The following RALYL variants were observed in gnomAD, a reference collection of about 807,000 sequenced individuals.
The protein encoded by RALYL is RALY RNA binding protein like, also known as RNA-binding Raly-like protein.
Under a neutral mutation model 35.1 loss-of-function variants are expected in RALYL, and 29 were observed. The observed-to-expected ratio is 0.83, with a 90% CI of 0.61 to 1.13. RALYL has a LOEUF of 1.13. RALYL is among the 50% of genes most tolerant of loss of function. The pLI is 0.00. For synonymous variants in RALYL, 120 were observed against 127.6 expected (o/e 0.94, Z 0.40); for missense variants, 359 against 360.4 (o/e 1.00, Z 0.03).
chr8:84,560,813 G>A (rs1048494630), intron 2 of RALYL, among the ~76,000 whole-genome samples: 2 of 151,796 alleles, frequency 1.3e-5, no homozygotes, highest in African/African-American at 4.8e-5. Flanking sequence ...ATTATAAGAG[G>A]AGGTTTCAAG....
chr8:84,735,266 A>G (rs7831433), intron 2 of RALYL, among the ~76,000 whole-genome samples: 50,387 of 151,666 alleles, frequency 0.33, 10,038 homozygotes, highest in African/African-American at 0.56. Flanking sequence ...ACAGGACCTA[A>G]AACAGTGTCT....
At chr8:84,901,370 C>T (rs1340390996) in intron 8 of RALYL, among the ~76,000 whole-genome samples, 2 of 152,078 alleles carry the variant, frequency 1.3e-5, no homozygotes, top group African/African-American at 4.8e-5. Flanking sequence ...GACAAAAAAT[C>T]GTACCTCATG....
intron 1 of RALYL, among the ~76,000 whole-genome samples, chr8:84,514,527 G>C (rs1315909699): frequency 1.3e-5 from 2 of 152,124 alleles, no homozygotes; most frequent in Non-Finnish European, 2.9e-5. Context: ...TGAAAGTTGT[G>C]TACTCACACA....
chr8:84,838,590 A>G (rs1832516106), intron 4 of RALYL, among the ~76,000 whole-genome samples: 1 of 152,238 alleles, frequency 6.6e-6, no homozygotes, highest in African/African-American at 2.4e-5. Context: ...ACTTTGACAG[A>G]TAAAATTGAG....
intron 1 of RALYL, among the ~76,000 whole-genome samples, chr8:84,423,630 G>A (rs1223597474): frequency 6.6e-6 from 1 of 151,804 alleles, no homozygotes; most frequent in Non-Finnish European, 1.5e-5. Flanking sequence ...AGTTGATGCA[G>A]TTTCTTCCTA....
At chr8:84,750,067 T>A (rs1809583744) in intron 2 of RALYL, among the ~76,000 whole-genome samples, 1 of 152,102 alleles carries the variant, frequency 6.6e-6, no homozygotes. Context: ...GATGCTGCAC[T>A]CTCAGCACAC....
intron 8 of RALYL, among the ~76,000 whole-genome samples, chr8:84,888,786 G>C (rs762161461): frequency 5.3e-5 from 8 of 151,966 alleles, no homozygotes; most frequent in Non-Finnish European, 7.4e-5. Context: ...GTCTCACTCT[G>C]TCCCCCAGGC....
intron 2 of RALYL, among the ~76,000 whole-genome samples, chr8:84,688,899 T>G (rs961788135): frequency 1.3e-5 from 2 of 151,794 alleles, no homozygotes; most frequent in Admixed American, 1.3e-4. Flanking sequence ...TAAGAAATGG[T>G]TAAAGGGATG....
chr8:84,522,188 C>T (rs543845429), intron 1 of RALYL, among the ~76,000 whole-genome samples: 14 of 151,318 alleles, frequency 9.3e-5, no homozygotes, highest in Middle Eastern at 3.5e-3. Context: ...CTATTTTCAG[C>T]GGGTTCTTAA....
At chr8:84,903,341 G>T (rs1198671161) in intron 8 of RALYL, among the ~76,000 whole-genome samples, 1 of 152,014 alleles carries the variant, frequency 6.6e-6, no homozygotes, top group Non-Finnish European at 1.5e-5. Context: ...TAAAGAGAAG[G>T]GTTTGTCATT....
At chr8:84,583,253 T>C (rs763945636) in intron 2 of RALYL, among the ~76,000 whole-genome samples, 8 of 152,154 alleles carry the variant, frequency 5.3e-5, no homozygotes, top group Non-Finnish European at 8.8e-5. Flanking sequence ...TGATTTGAGA[T>C]TGGTGAGTTG....
At chr8:84,681,062 T>C (rs1057337034) in intron 2 of RALYL, among the ~76,000 whole-genome samples, 5 of 152,116 alleles carry the variant, frequency 3.3e-5, no homozygotes, top group African/African-American at 1.2e-4. Flanking sequence ...TTCAGCTTTC[T>C]ACATATGGCT....
chr8:84,614,775 CTT>C (rs75967490), intron 2 of RALYL, among the ~76,000 whole-genome samples: 4 of 128,860 alleles, frequency 3.1e-5, no homozygotes, highest in South Asian at 2.5e-4. Flanking sequence ...CCCTTCTTTC[CTT>C]TTTTTTTTTT....
chr8:84,557,056 A>G (rs1159853889), intron 2 of RALYL, among the ~76,000 whole-genome samples: 1 of 152,216 alleles, frequency 6.6e-6, no homozygotes, highest in East Asian at 1.9e-4. Flanking sequence ...ACATTTTTAC[A>G]ATAGGAAACC....
intron 5 of RALYL, among the ~76,000 whole-genome samples, chr8:84,851,031 AT>A (rs1835752743): frequency 6.6e-6 from 1 of 152,012 alleles, no homozygotes; most frequent in Non-Finnish European, 1.5e-5. Context: ...TTCTTCTGTA[AT>A]TTCATTTACA....
At chr8:84,834,652 C>A (rs1831584222) in intron 4 of RALYL, among the ~76,000 whole-genome samples, 1 of 152,058 alleles carries the variant, frequency 6.6e-6, no homozygotes. Context: ...TCCACTATTA[C>A]AAAGCAAGCT....
chr8:84,764,595 G>A (rs1813470202), intron 2 of RALYL, among the ~76,000 whole-genome samples: 1 of 152,088 alleles, frequency 6.6e-6, no homozygotes, highest in Non-Finnish European at 1.5e-5. Flanking sequence ...ACACAGCCTG[G>A]GAGCATGGAG....
In RALYL at chr8:84,904,491, T is replaced by A. The variant is rs1339413174; in HGVS notation, c.859-16403T>A. Among the ~76,000 whole-genome samples, 4 of 152,148 alleles carry A rather than the reference T, an allele frequency of 2.6e-5. No individual in the cohort carries two copies. The East Asian group carries it at 7.7e-4, about 29-fold the overall frequency. ...TGTAAATATAAGAGAACCAAAAGAA[T>A]TTTATTTCTATAAGAAAATAATTTC... On this transcript the variant is annotated intron_variant, in intron 8 of 8. Transcript: ENST00000521268.
chr8:84,571,264 T>C (rs1564165486), intron 2 of RALYL, among the ~76,000 whole-genome samples: 1 of 151,640 alleles, frequency 6.6e-6, no homozygotes, highest in Non-Finnish European at 1.5e-5. Context: ...TGTTGGAAGA[T>C]TTTTTTTATT....
Sources: gnomAD v4.1 joint callset for allele counts (sites outside exome capture counted in the v4.1 genomes callset) on GRCh38, gnomAD v4.1.1 for gene constraint, MANE v1.5 for transcripts, NCBI Gene and HGNC (gene_info 2026-07-23, HGNC 2026-07-21) for gene names.